Variants in NCOA2 observed in about 807,000 individuals in gnomAD.
NCOA2 encodes nuclear receptor coactivator 2.
NCOA2 carries 21 observed loss-of-function variants against 145.1 expected under a neutral mutation model. The ratio of observed to expected loss-of-function variants is 0.14; its 90% CI spans 0.10 to 0.21. NCOA2 has a LOEUF of 0.21. NCOA2 is among the 10% of genes least tolerant of loss of function. The pLI, the probability that NCOA2 is intolerant of heterozygous loss-of-function variation, is 1.00. For missense variants in NCOA2, 1,472 were observed against 1,837.6 expected, an observed-to-expected ratio of 0.80 and a Z score of 3.64; for synonymous variants, 619 against 637.5, an observed-to-expected ratio of 0.97 and a Z score of 0.44.
At chr8:70,321,663 C>G (rs141106255) in intron 1 of NCOA2, among the ~76,000 whole-genome samples, 1 of 152,048 alleles carries the variant, frequency 6.6e-6, no homozygotes, top group Admixed American at 6.6e-5. Context: ...AGAAGCAAAA[C>G]AGCATTCTTT....
chr8:70,186,359 T>G (rs988033586), intron 4 of NCOA2, among the ~76,000 whole-genome samples: 2 of 152,204 alleles, frequency 1.3e-5, no homozygotes, highest in Admixed American at 6.5e-5. Context: ...ACAAAGTGTA[T>G]GTCCTCCCTC....
At position 70,179,919 on chromosome 8, in the gene NCOA2, A is replaced by C. The variant is rs193208049; in HGVS notation, c.260-5060T>G. Among the ~76,000 whole-genome samples the C allele has an allele frequency of 1.8e-3, 272 of 152,218 alleles. 1 individual carries two copies. Among genetic ancestry groups the C allele is most frequent in the Non-Finnish European group, 3.0e-3 (204 of 68,014 alleles). ...TTCTTCCTGCTACGCTTTTACCATT[A>C]AAGTTATTCTTTTTATTTTATTAAA... On this transcript the variant is annotated intron_variant, in intron 4 of 22. Coordinates refer to ENST00000452400, the MANE Select transcript of NCOA2 (RefSeq NM_006540.4).
chr8:70,424,221 T>C, the NCOA2 span: 1 of 363,794 alleles, frequency 2.7e-6, no homozygotes, highest in Non-Finnish European at 5.3e-6. Flanking sequence ...GGTGCAGCCC[T>C]CTACAGGCTG....
At position 70,131,954 on chromosome 8, in the gene NCOA2, T is replaced by C. The variant is rs761971402; in HGVS notation, c.3207A>G (p.Ala1069=). 1 of 1,612,132 alleles carries C rather than the reference T, an allele frequency of 6.2e-7. No homozygotes were observed. The highest frequency in any genetic ancestry group is 1.3e-5 in the African/African-American group (1 of 74,926). ...SPDDLLCPHP[A]AESPSDEGAL... ...CTCCCTCATCACTCGGAGACTCAGC[T>C]GCAGGATGTGGACATAGCAAGTCAT... is the stretch of plus-strand genomic sequence containing the variant. Residue 1069 remains alanine, a synonymous_variant, in exon 16 of 23, where the codon GCA becomes GCG. Transcript: ENST00000452400.
the NCOA2 span, among the ~76,000 whole-genome samples, chr8:70,431,029 C>T: frequency 6.6e-6 from 1 of 151,980 alleles, no homozygotes; most frequent in South Asian, 2.1e-4. Context: ...AATAATAAGG[C>T]AAATTGTTGC....
At chr8:70,265,857 C>T (rs1824533923) in intron 2 of NCOA2, among the ~76,000 whole-genome samples, 1 of 151,704 alleles carries the variant, frequency 6.6e-6, no homozygotes, top group Non-Finnish European at 1.5e-5. Context: ...TTTAAAGAGA[C>T]AGAGTCGGCT....
At chr8:70,140,914 T>C (rs1264619269) in intron 14 of NCOA2, among the ~76,000 whole-genome samples, 1 of 152,070 alleles carries the variant, frequency 6.6e-6, no homozygotes, top group Non-Finnish European at 1.5e-5. Context: ...TTATTAATAG[T>C]GTGACATTAT....
At chr8:70,409,661 G>C in the NCOA2 span, among the ~76,000 whole-genome samples, 1 of 152,294 alleles carries the variant, frequency 6.6e-6, no homozygotes, top group Non-Finnish European at 1.5e-5. Flanking sequence ...CTTGAGCCCA[G>C]GAGTTCAAGA....
chr8:70,208,891 C>A (rs1423762317), intron 4 of NCOA2, among the ~76,000 whole-genome samples: 2 of 152,230 alleles, frequency 1.3e-5, no homozygotes, highest in Non-Finnish European at 1.5e-5. Flanking sequence ...TGTTTTCATG[C>A]CTGCTAACTA....
intron 2 of NCOA2, among the ~76,000 whole-genome samples, chr8:70,271,986 T>C (rs945224308): frequency 4.6e-5 from 7 of 152,222 alleles, no homozygotes; most frequent in African/African-American, 7.2e-5. Context: ...TGAAAAATTG[T>C]AGGAATTCTT....
At chr8:70,236,644 T>C (rs1821633996) in intron 2 of NCOA2, among the ~76,000 whole-genome samples, 1 of 152,070 alleles carries the variant, frequency 6.6e-6, no homozygotes, top group Non-Finnish European at 1.5e-5. Flanking sequence ...TATTCGCAGA[T>C]TCAGCCAATC....
intron 5 of NCOA2, 100 bp downstream of exon 5, chr8:70,174,656 A>G: frequency 1.8e-6 from 2 of 1,095,380 alleles, no homozygotes; most frequent in Non-Finnish European, 2.8e-6. Context: ...TACTAGTACT[A>G]GTGTGGATTC....
the NCOA2 span, among the ~76,000 whole-genome samples, chr8:70,454,685 A>T: frequency 6.6e-6 from 1 of 152,178 alleles, no homozygotes; most frequent in Non-Finnish European, 1.5e-5. Context: ...GCCAATAACA[A>T]ACACAAATTC....
chr8:70,442,930 A>T, the NCOA2 span, among the ~76,000 whole-genome samples: 1 of 152,214 alleles, frequency 6.6e-6, no homozygotes, highest in Non-Finnish European at 1.5e-5. Context: ...AAAAGCAGTG[A>T]TATTGACTCA....
intron 22 of NCOA2, among the ~76,000 whole-genome samples, chr8:70,114,729 G>C (rs113098374): frequency 5.5e-4 from 84 of 152,300 alleles, no homozygotes; most frequent in African/African-American, 1.9e-3. Flanking sequence ...CTGGGATTTA[G>C]ATATTTAGAC....
intron 2 of NCOA2, among the ~76,000 whole-genome samples, chr8:70,289,983 G>T (rs566055832): frequency 2.6e-5 from 4 of 151,874 alleles, no homozygotes; most frequent in Admixed American, 1.3e-4. Context: ...TACAGAACAC[G>T]CCACTGTGCT....
the NCOA2 span, among the ~76,000 whole-genome samples, chr8:70,411,667 A>C: frequency 2.0e-5 from 3 of 152,264 alleles, no homozygotes; most frequent in Non-Finnish European, 4.4e-5. Context: ...AACAAACTAT[A>C]GCTTCACACA....
chr8:70,138,224 G>T lies in NCOA2; in HGVS notation c.3137C>A (p.Ala1046Glu), dbSNP rs373466036. Residue 1046 changes from alanine to glutamate, a missense_variant, in exon 15 of 23, where the codon GCG becomes GAG. Physicochemically the swap from Ala to Glu is moderately radical, Grantham distance 107 (BLOSUM62 -1). Around this residue, in one of 4 missense-constraint regions of NCOA2, gnomAD observed 953 missense variants for 1,062.1 expected, o/e 0.90. Transcript: ENST00000452400. Reference protein sequence around the residue: ...WPESILPIDQASFASQNRQPF... With the variant: ...WPESILPIDQESFASQNRQPF... Reference sequence around the variant, plus strand: ...TCACCTGTTTTGGCTGGCAAAAGACGCCTGGTCTATAGGCAGGATGCTTTC... The same window carrying T: ...TCACCTGTTTTGGCTGGCAAAAGACTCCTGGTCTATAGGCAGGATGCTTTC... The T allele has an allele frequency of 5.0e-6, 8 of 1,613,662 alleles. No homozygotes were observed. In the East Asian group the frequency reaches 8.9e-5, roughly 18 times the overall value.
chr8:70,175,029 C>G (rs1337485342), intron 4 of NCOA2, among the ~76,000 whole-genome samples, 170 bp from the exon 5 acceptor site: 1 of 152,212 alleles, frequency 6.6e-6, no homozygotes, highest in East Asian at 1.9e-4. Flanking sequence ...CTGCTGGAAG[C>G]AGAAGCCAGA....
Sources: allele counts gnomAD v4.1 joint callset (sites outside exome capture counted in the v4.1 genomes callset), GRCh38; gene constraint gnomAD v4.1.1; regional missense constraint gnomAD v4.1.1; transcripts MANE v1.5; gene names NCBI Gene and HGNC (gene_info 2026-07-23, HGNC 2026-07-21).